The following CCDC158 variants were observed in gnomAD, a reference collection of about 807,000 sequenced individuals.
The protein encoded by CCDC158 is coiled-coil domain containing 158.
A neutral mutation model predicts 138.6 loss-of-function variants in CCDC158; 116 were observed. That is an observed-to-expected ratio of 0.84 (90% CI 0.72 to 0.98). The LOEUF (loss-of-function observed/expected upper bound fraction) is 0.98. Among genes scored for constraint, CCDC158 ranks in the 50% least tolerant of loss-of-function variants. The pLI is 0.00. For missense variants in CCDC158, 1,265 were observed against 1,306.1 expected (o/e 0.97, Z 0.48); for synonymous variants, 436 against 442.4 (o/e 0.99, Z 0.18).
rs768787939 is a variant in CCDC158 at position 76,403,157 on chromosome 4, A to T, written c.51T>A (p.Ser17Arg). The T allele has an allele frequency of 6.2e-7, 1 of 1,606,136 alleles. No individual in the cohort carries two copies. Among genetic ancestry groups the T allele is most frequent in the Non-Finnish European group, 8.5e-7 (1 of 1,176,280 alleles). ...ACATACCTCCATTAGATGTGACACC[A>T]CTACTTGATAAAAGATCTTCATTAT... is the stretch of plus-strand genomic sequence containing the variant. The part of the protein sequence containing the change: ...ESNNEDLLSS[S>R]GVTSNGGSSS... The change falls in exon 3 of 25, where the codon AGT (serine) becomes AGA (arginine). Residue 17 changes from serine (S) to arginine (R), a missense_variant. Coordinates refer to ENST00000682701, the MANE Select transcript of CCDC158 (RefSeq NM_001394954.1).
chr4:76,387,091 G>A, intron 4 of CCDC158, among the ~76,000 whole-genome samples: 1 of 152,184 alleles, frequency 6.6e-6, no homozygotes, highest in East Asian at 1.9e-4. Context: ...ACCCAAGCTG[G>A]TGTGGCTAAG....
chr4:76,400,284 C>T (rs35480364), intron 3 of CCDC158, among the ~76,000 whole-genome samples: 1 of 151,892 alleles, frequency 6.6e-6, no homozygotes, highest in Non-Finnish European at 1.5e-5. Flanking sequence ...AACCATTATT[C>T]TGAGCAAACT....
At chr4:76,400,567 A>C (rs1200005544) in intron 3 of CCDC158, among the ~76,000 whole-genome samples, 4 of 151,666 alleles carry the variant, frequency 2.6e-5, no homozygotes, top group Admixed American at 1.3e-4. Flanking sequence ...AAAAAAAAAA[A>C]CTCATACTCC....
At chr4:76,317,288 G>T (rs868837935) in intron 24 of CCDC158, among the ~76,000 whole-genome samples, 5 of 152,012 alleles carry the variant, frequency 3.3e-5, no homozygotes, top group Non-Finnish European at 2.9e-5. Flanking sequence ...GATGGAAAAA[G>T]ATATTCCATG....
intron 1 of CCDC158, among the ~76,000 whole-genome samples, chr4:76,413,474 CAAAA>C (rs560813465): frequency 5.3e-5 from 3 of 56,328 alleles, no homozygotes; most frequent in Non-Finnish European, 1.2e-4. Flanking sequence ...GACCTTGTCT[CAAAA>C]AAAAAAAAAA....
chr4:76,337,809 A>G (rs1436136060), intron 18 of CCDC158, among the ~76,000 whole-genome samples: 1 of 152,110 alleles, frequency 6.6e-6, no homozygotes, highest in East Asian at 1.9e-4. Flanking sequence ...TCAGGCTTGT[A>G]AAGAAATAAA....
chr4:76,385,514 T>C (rs1311083148), intron 4 of CCDC158, among the ~76,000 whole-genome samples: 1 of 152,068 alleles, frequency 6.6e-6, no homozygotes, highest in Non-Finnish European at 1.5e-5. Flanking sequence ...ATTAAAAATA[T>C]GGTTGTAAAG....
chr4:76,368,534 G>A (rs1724913960), intron 11 of CCDC158, among the ~76,000 whole-genome samples: 2 of 152,132 alleles, frequency 1.3e-5, no homozygotes, highest in African/African-American at 2.4e-5. Flanking sequence ...ACTTTTGTGG[G>A]ATGCTTTTTA....
intron 1 of CCDC158, among the ~76,000 whole-genome samples, chr4:76,414,777 C>T (rs1464081306): frequency 6.6e-6 from 1 of 152,216 alleles, no homozygotes; most frequent in Non-Finnish European, 1.5e-5. Flanking sequence ...CTTTTGCCTC[C>T]TTCATGATTC....
At chr4:76,368,175 A>C (rs1040688435) in intron 11 of CCDC158, among the ~76,000 whole-genome samples, 6 of 152,190 alleles carry the variant, frequency 3.9e-5, no homozygotes, top group South Asian at 2.1e-4. Context: ...TCTAGAGTGC[A>C]GTCTTGGGAA....
chr4:76,382,151 G>A (rs1326061343), intron 8 of CCDC158, among the ~76,000 whole-genome samples: 1 of 152,162 alleles, frequency 6.6e-6, no homozygotes, highest in African/African-American at 2.4e-5. Flanking sequence ...GAGATCTGAT[G>A]ATTTAAAAGT....
At chr4:76,325,541 A>G (rs531485520) in intron 23 of CCDC158, among the ~76,000 whole-genome samples, 1 of 152,376 alleles carries the variant, frequency 6.6e-6, no homozygotes, top group Non-Finnish European at 1.5e-5. Context: ...AAGAATGTAA[A>G]TAAGAAAGAA....
Position 76,369,485 on chromosome 4 carries a change from G to C in CCDC158, c.1288C>G (p.Arg430Gly), listed in dbSNP as rs764331312. Residue 430 changes from arginine (R) to glycine (G), a missense_variant, in exon 11 of 25, where the codon CGC becomes GGC. Arg to Gly is a moderately radical substitution (Grantham distance 125, BLOSUM62 -2). Transcript: ENST00000682701. ...ELDNRNMEVQ[R>G]LEALLKALKS... ...AAGGCCTTGAGCAGGGCTTCCAGGCGCTGCACCTCCATGTTCCGGTTGTCC... is the reference window on the plus strand; with the variant it reads ...AAGGCCTTGAGCAGGGCTTCCAGGCCCTGCACCTCCATGTTCCGGTTGTCC... The C allele has an allele frequency of 6.2e-7, 1 of 1,614,124 alleles. No individual in the cohort carries two copies. Among genetic ancestry groups the C allele is most frequent in the Admixed American group, 1.7e-5 (1 of 60,020 alleles).
intron 9 of CCDC158, among the ~76,000 whole-genome samples, chr4:76,372,221 T>C (rs1725315150): frequency 6.6e-6 from 1 of 152,200 alleles, no homozygotes. Flanking sequence ...GGAGGATCCC[T>C]TGAGCCCAGG....
intron 22 of CCDC158, among the ~76,000 whole-genome samples, chr4:76,327,196 G>A (rs923267966): frequency 6.6e-6 from 1 of 152,004 alleles, no homozygotes; most frequent in South Asian, 2.1e-4. Flanking sequence ...ACATATAAAC[G>A]AAGTAAACCT....
In CCDC158 at chr4:76,357,461, T is replaced by C; in HGVS notation, c.2086A>G (p.Lys696Glu). The change falls in exon 14 of 25, where the codon AAG becomes GAG. Residue 696 changes from lysine to glutamate, a missense_variant. Transcript: ENST00000682701. ...GCAGATTTTAATTGCATTTTCAACT[T>C]ATTTGTAGTCATTTCCATTTCTTCA... ...KSEEMEMTTN[K>E]LKMQLKSAQS... is the part of the protein sequence containing the mutation. The C allele has an allele frequency of 1.2e-6, 2 of 1,605,754 alleles. No homozygotes were observed. The highest frequency in any genetic ancestry group is 1.7e-6 in the Non-Finnish European group (2 of 1,175,300).
chr4:76,335,633 G>A (rs945604456), intron 18 of CCDC158, among the ~76,000 whole-genome samples: 1 of 152,122 alleles, frequency 6.6e-6, no homozygotes, highest in Non-Finnish European at 1.5e-5. Context: ...AGGCTGGAAT[G>A]CAGTGACATG....
chr4:76,415,708 G>A (rs1729634614), intron 1 of CCDC158, among the ~76,000 whole-genome samples: 1 of 152,178 alleles, frequency 6.6e-6, no homozygotes, highest in Non-Finnish European at 1.5e-5. Context: ...GACATAGTGA[G>A]AAGTGACCAG....
intron 3 of CCDC158, among the ~76,000 whole-genome samples, chr4:76,400,083 A>C (rs1006941766): frequency 5.3e-5 from 8 of 152,116 alleles, no homozygotes; most frequent in Non-Finnish European, 1.2e-4. Flanking sequence ...AGGGGAAGGG[A>C]GTTAAGAATG....
Sources: allele counts gnomAD v4.1 joint callset (sites outside exome capture counted in the v4.1 genomes callset), GRCh38; gene constraint gnomAD v4.1.1; transcripts MANE v1.5; gene names NCBI Gene and HGNC (gene_info 2026-07-23, HGNC 2026-07-21).